The following CDK19 variants were observed in gnomAD, a reference collection of about 807,000 sequenced individuals.
CDK19 encodes cyclin dependent kinase 19.
In CDK19, 20 loss-of-function variants were observed where a neutral mutation model predicts 68.3. The ratio of observed to expected loss-of-function variants is 0.29; its 90% CI spans 0.21 to 0.43. The LOEUF (loss-of-function observed/expected upper bound fraction) is 0.43, where lower values mean the gene tolerates loss of function less well. CDK19 is among the 20% of genes least tolerant of loss of function. The pLI is 1.00. For synonymous variants in CDK19, 221 were observed against 222.8 expected (o/e 0.99, Z 0.07); for missense variants, 339 against 623.5 (o/e 0.54, Z 4.86).
intron 2 of CDK19, among the ~76,000 whole-genome samples, chr6:110,674,089 G>A (rs1771260599): frequency 6.6e-6 from 1 of 152,082 alleles, no homozygotes; most frequent in African/African-American, 2.4e-5. Context: ...AACTTTTTCA[G>A]TATTATATCT....
chr6:110,776,841 A>G (rs914827483), intron 1 of CDK19, among the ~76,000 whole-genome samples: 4 of 152,230 alleles, frequency 2.6e-5, no homozygotes, highest in African/African-American at 4.8e-5. Flanking sequence ...CCTTACATAG[A>G]ATGTTTGATG....
chr6:110,729,868 C>T (rs143460048), intron 2 of CDK19, among the ~76,000 whole-genome samples: 1 of 152,234 alleles, frequency 6.6e-6, no homozygotes, highest in African/African-American at 2.4e-5. Flanking sequence ...CCTTAGCCTC[C>T]CAAGTAGCCA....
rs1030061075 is a variant in CDK19, at chr6:110,614,266, A to C, written c.*269T>G. 9.9e-6 allele frequency: 3 copies of C among 303,886 alleles called. No homozygotes were observed. The highest frequency in any genetic ancestry group is 1.8e-5 in the Non-Finnish European group (3 of 163,094). The allele number at this position is 303,886 out of a possible 1,614,324, so 18.8% of individuals were successfully genotyped here. A position where few individuals can be genotyped will look rare whatever the true frequency, so the allele number is the denominator to read the frequency against. On this transcript the variant is annotated 3_prime_UTR_variant, in exon 13 of 13. Coordinates refer to ENST00000368911, the MANE Select transcript of CDK19 (RefSeq NM_015076.5). ...TCAAAGAAATGCTGAAGGTTACAGA[A>C]GTGCTGGGATTAGATCAGACGCTTT... is the stretch of plus-strand genomic sequence containing the variant.
chr6:110,620,376 TAAAACAAACAAA>T (rs1269015731), intron 12 of CDK19, among the ~76,000 whole-genome samples: 3 of 141,684 alleles, frequency 2.1e-5, no homozygotes. Flanking sequence ...GTTCTAAACT[TAAAACAAACAAA>T]AAAACAAACA....
rs569685104 is a variant in CDK19, at chr6:110,772,906, A to G, written c.129-26705T>C. Among the ~76,000 whole-genome samples, 28 of 151,438 alleles carry G rather than the reference A, an allele frequency of 1.8e-4. No individual in the cohort carries two copies. The East Asian group carries it at 2.7e-3, about 15-fold the overall frequency. On this transcript the variant is annotated intron_variant, in intron 1 of 12. Coordinates refer to ENST00000368911, the MANE Select transcript of CDK19 (RefSeq NM_015076.5). Reference sequence around the variant, plus strand: ...TCCCTGTCCCAAAAAAAAAAAAAAAAAGAGAGACTCATTAAGAAGGTCTCC... The same window carrying G: ...TCCCTGTCCCAAAAAAAAAAAAAAAGAGAGAGACTCATTAAGAAGGTCTCC...
At chr6:110,767,537 G>A (rs2114979064) in intron 1 of CDK19, among the ~76,000 whole-genome samples, 1 of 148,736 alleles carries the variant, frequency 6.7e-6, no homozygotes, top group South Asian at 2.2e-4. Flanking sequence ...TGTATTTTTA[G>A]TAGAGATAGG....
intron 2 of CDK19, among the ~76,000 whole-genome samples, chr6:110,720,516 C>T (rs1775780821): frequency 6.6e-6 from 1 of 152,132 alleles, no homozygotes; most frequent in Non-Finnish European, 1.5e-5. Flanking sequence ...TATTTGATGG[C>T]ATTAGCATGC....
intron 1 of CDK19, among the ~76,000 whole-genome samples, chr6:110,783,388 A>C (rs1466126967): frequency 6.6e-6 from 1 of 152,210 alleles, no homozygotes; most frequent in Non-Finnish European, 1.5e-5. Flanking sequence ...CTGTAATTTC[A>C]GCACTTTGGG....
intron 4 of CDK19, among the ~76,000 whole-genome samples, chr6:110,647,190 G>A (rs1316246406): frequency 6.6e-6 from 1 of 152,134 alleles, no homozygotes; most frequent in Non-Finnish European, 1.5e-5. Context: ...GCTGGGGTCC[G>A]GCCGGCCAGT....
rs1016151329 is a variant in CDK19, at chr6:110,621,601, C to T, written c.1111-231G>A. ...TTCCCTGAAGTTCATTTAGACTGCA[C>T]AGTGATCCTCCAAATCAGTCACAGA... On this transcript the variant is annotated intron_variant, in intron 11 of 12. Transcript: ENST00000368911. This position sits in a 1 kb window ranked among gnomAD's most constrained non-coding sequence, Gnocchi z 5.4. Among the ~76,000 whole-genome samples, 1 of 152,178 alleles carries T rather than the reference C, an allele frequency of 6.6e-6. No homozygotes were observed. Among genetic ancestry groups the T allele is most frequent in the Admixed American group, 6.5e-5 (1 of 15,286 alleles).
rs899847950 is a variant in CDK19 at position 110,815,203 on chromosome 6, C to T, written c.-67G>A. On this transcript the variant is annotated 5_prime_UTR_variant, in exon 1 of 13. Transcript: ENST00000368911. ...GCCGCTCAGTCCCTCCTCCTCCTCC[C>T]CCCGCGACCGCCGCTCCACTTCTCC... 8.9e-6 allele frequency: 13 copies of T among 1,458,632 alleles called. No individual in the cohort carries two copies. The highest frequency in any genetic ancestry group is 1.2e-5 in the Non-Finnish European group (13 of 1,101,924). 90.4% of individuals were successfully genotyped at this position (1,458,632 alleles called of 1,614,324 possible). A position where few individuals can be genotyped will look rare whatever the true frequency, so the allele number is the denominator to read the frequency against.
Position 110,695,279 on chromosome 6 carries a change from A to G in CDK19, c.205-24738T>C, listed in dbSNP as rs570055053. On this transcript the variant is annotated intron_variant, in intron 2 of 12. Coordinates refer to ENST00000368911, the MANE Select transcript of CDK19 (RefSeq NM_015076.5). ...CCTTTGGGTCAACAATGAAATCAAG[A>G]TGAAAATTTAAAAATTCTTTCAACT... Among the ~76,000 whole-genome samples, 4 of 152,334 alleles carry G rather than the reference A, an allele frequency of 2.6e-5. No homozygotes were observed. In the East Asian group the frequency reaches 7.7e-4, roughly 29 times the overall value.
chr6:110,685,176 T>C (rs531650368), intron 2 of CDK19, among the ~76,000 whole-genome samples: 1 of 152,280 alleles, frequency 6.6e-6, no homozygotes, highest in Admixed American at 6.5e-5. Context: ...CAGTGTTCAC[T>C]CACCAAGTGC....
Position 110,627,142 on chromosome 6 carries a change from A to G in CDK19, c.650T>C (p.Ile217Thr). ...GARHYTKAID[I>T]WAIGCIFAEL... ...AGCAAATATACAACCTATTGCCCAT[A>G]TATCTGGGAAGGAAGAAACATAAGT... The change falls in exon 7 of 13, where the codon ATA becomes ACA. Residue 217 changes from isoleucine (I) to threonine (T), a missense_variant. This residue lies in a region of CDK19 where 63 missense variants were observed against 156.5 expected (regional missense o/e 0.40). Transcript: ENST00000368911. 15 of 1,602,402 alleles carry G rather than the reference A, an allele frequency of 9.4e-6. No homozygotes were observed. Among genetic ancestry groups the G allele is most frequent in the Non-Finnish European group, 1.3e-5 (15 of 1,174,052 alleles).
At chr6:110,791,842 C>T (rs780898055) in intron 1 of CDK19, among the ~76,000 whole-genome samples, 9 of 151,968 alleles carry the variant, frequency 5.9e-5, no homozygotes, top group Non-Finnish European at 1.2e-4. Flanking sequence ...GATAGGGTCT[C>T]GCTATGTTGT....
chr6:110,701,341 G>A (rs1375210558), intron 2 of CDK19, among the ~76,000 whole-genome samples: 1 of 149,846 alleles, frequency 6.7e-6, no homozygotes, highest in Non-Finnish European at 1.5e-5. Context: ...AGGAGATTGA[G>A]ACCATCCTGG....
At chr6:110,734,520 G>GCTCTCTCTCTCCCTCTCTCTCT (rs1777054374) in intron 2 of CDK19, among the ~76,000 whole-genome samples, 1 of 85,734 alleles carries the variant, frequency 1.2e-5, no homozygotes, top group Non-Finnish European at 2.3e-5. Flanking sequence ...GGTGAGCACT[G>GCTCTCTCTCTCCCTCTCTCTCT]CTCTCTCTCT....
At chr6:110,787,984 C>T (rs922883707) in intron 1 of CDK19, among the ~76,000 whole-genome samples, 2 of 151,916 alleles carry the variant, frequency 1.3e-5, no homozygotes, top group South Asian at 2.1e-4. Context: ...GGATTACAGT[C>T]GTGCGCCACC....
chr6:110,697,691 G>C (rs900489601), intron 2 of CDK19, among the ~76,000 whole-genome samples: 1 of 150,204 alleles, frequency 6.7e-6, no homozygotes, highest in Non-Finnish European at 1.5e-5. Flanking sequence ...AATGAAAAAA[G>C]AGCCCACATA....
Sources: gnomAD v4.1 joint callset for allele counts (sites outside exome capture counted in the v4.1 genomes callset) on GRCh38, gnomAD v4.1.1 for gene constraint, gnomAD v4.1.1 regional missense constraint, Gnocchi (gnomAD v3.1) non-coding constraint, MANE v1.5 for transcripts, NCBI Gene and HGNC (gene_info 2026-07-23, HGNC 2026-07-21) for gene names.